Variants in SLC8A1 observed in about 807,000 individuals in gnomAD.
The protein encoded by SLC8A1 is solute carrier family 8 member A1.
Under a neutral mutation model 68.3 loss-of-function variants are expected in SLC8A1, and 18 were observed. The observed-to-expected ratio is 0.26, with a 90% CI of 0.18 to 0.39. The LOEUF is 0.39. SLC8A1 is among the 10% of genes least tolerant of loss of function. The probability of loss-of-function intolerance (pLI) is 1.00; values close to 1 mark genes in which losing one functional copy is unlikely to be tolerated. For missense variants in SLC8A1, 985 were observed against 1,156.7 expected, an observed-to-expected ratio of 0.85 and a Z score of 2.15; for synonymous variants, 475 against 415.5, an observed-to-expected ratio of 1.14 and a Z score of -1.74.
intron 2 of SLC8A1, among the ~76,000 whole-genome samples, chr2:40,289,824 G>A (rs770632289): frequency 1.3e-5 from 2 of 151,978 alleles, no homozygotes; most frequent in African/African-American, 2.4e-5. Context: ...TCGTGCCACT[G>A]CATTCCAGCT....
At chr2:40,307,805 C>A (rs2072940345) in intron 2 of SLC8A1, among the ~76,000 whole-genome samples, 1 of 152,068 alleles carries the variant, frequency 6.6e-6, no homozygotes, top group African/African-American at 2.4e-5. Context: ...GCAGCAAAGG[C>A]ATCATAACCT....
intron 2 of SLC8A1, among the ~76,000 whole-genome samples, chr2:40,277,901 G>C (rs1316492061): frequency 6.8e-6 from 1 of 148,126 alleles, no homozygotes; most frequent in Non-Finnish European, 1.5e-5. Flanking sequence ...CATCTAAAAT[G>C]TATTTAATTT....
intron 2 of SLC8A1, among the ~76,000 whole-genome samples, chr2:40,378,413 G>C (rs1019064962): frequency 1.3e-5 from 2 of 152,090 alleles, no homozygotes; most frequent in Non-Finnish European, 2.9e-5. Flanking sequence ...ACAAGACCTA[G>C]AAAAACTGAA....
At chr2:40,219,635 G>GT (rs1321040116) in intron 2 of SLC8A1, among the ~76,000 whole-genome samples, 1 of 152,074 alleles carries the variant, frequency 6.6e-6, no homozygotes, top group Non-Finnish European at 1.5e-5. Context: ...ACAATTATAA[G>GT]TTTTTTTCTT....
intron 2 of SLC8A1, among the ~76,000 whole-genome samples, chr2:40,255,669 C>A (rs138807124): frequency 1.2e-4 from 19 of 152,256 alleles, no homozygotes; most frequent in Non-Finnish European, 1.8e-4. Flanking sequence ...AAAATAAATA[C>A]GTGCAGAATT....
rs1410047537 is a variant in SLC8A1 at position 40,288,731 on chromosome 2, G to A, written c.1809-110876C>T. Among the ~76,000 whole-genome samples the A allele has an allele frequency of 1.3e-4, 19 of 151,936 alleles. 1 individual carries two copies. The South Asian group carries it at 3.9e-3, about 31-fold the overall frequency. On this transcript the variant is annotated intron_variant, in intron 2 of 7. Coordinates refer to ENST00000406785, the Ensembl canonical transcript of SLC8A1. The stretch of plus-strand genomic sequence containing the variant: ...TTTTCCTTGGGGATGGATGTTTGGA[G>A]CTAGTTTACCAGCACACCAGTGGGT...
chr2:40,392,763 G>C (rs988250918), intron 2 of SLC8A1, among the ~76,000 whole-genome samples: 8 of 152,040 alleles, frequency 5.3e-5, no homozygotes, highest in Non-Finnish European at 8.8e-5. Flanking sequence ...CGGAGAAGAG[G>C]ACAATAAAAA....
chr2:40,255,222 C>CCCCTACTCT (rs1281210552), intron 2 of SLC8A1: 3 of 151,936 alleles, frequency 2.0e-5, no homozygotes, highest in Non-Finnish European at 4.4e-5. Flanking sequence ...GTCTTTTCTC[C>CCCCTACTCT]CCCTACTCTC....
chr2:40,194,660 C>T (rs1319945112), intron 2 of SLC8A1, among the ~76,000 whole-genome samples: 1 of 152,048 alleles, frequency 6.6e-6, no homozygotes, highest in East Asian at 1.9e-4. Context: ...ATTAATAACA[C>T]CAGTTCCTCG....
exon 8 of SLC8A1, chr2:40,111,282 G>C (rs1459647265): frequency 6.6e-6 from 1 of 152,132 alleles, no homozygotes; most frequent in Non-Finnish European, 1.5e-5. Flanking sequence ...TTGTTAGACG[G>C]TCAAGGAGCT....
intron 2 of SLC8A1, among the ~76,000 whole-genome samples, chr2:40,394,099 T>C (rs7574340): frequency 0.73 from 110,715 of 151,882 alleles, 41,380 homozygotes; most frequent in African/African-American, 0.89. Context: ...CCTACAGTAG[T>C]GCACAGGACA....
chr2:40,236,240 T>C (rs1451752458), intron 2 of SLC8A1, among the ~76,000 whole-genome samples: 7 of 151,118 alleles, frequency 4.6e-5, no homozygotes, highest in African/African-American at 1.7e-4. Flanking sequence ...AGTCTAAGTC[T>C]CTTTGAAGGT....
At chr2:40,405,009 A>G (rs1689885604) in intron 2 of SLC8A1, among the ~76,000 whole-genome samples, 1 of 152,150 alleles carries the variant, frequency 6.6e-6, no homozygotes, top group Non-Finnish European at 1.5e-5. Context: ...AAAATTCTGT[A>G]ATTTACTGAA....
intron 2 of SLC8A1, among the ~76,000 whole-genome samples, chr2:40,294,385 A>AGAT (rs2069926133): frequency 1.3e-5 from 2 of 152,288 alleles, no homozygotes; most frequent in Non-Finnish European, 2.9e-5. Context: ...CCTACTTTAA[A>AGAT]GATAAGGTAA....
At chr2:40,277,237 T>TTTTA (rs2066827104) in intron 2 of SLC8A1, among the ~76,000 whole-genome samples, 1 of 152,080 alleles carries the variant, frequency 6.6e-6, no homozygotes, top group South Asian at 2.1e-4. Context: ...CTGTTTTTTT[T>TTTTA]TTATTTTTAA....
intron 1 of SLC8A1, among the ~76,000 whole-genome samples, chr2:40,489,723 C>T (rs1320875158): frequency 1.3e-5 from 2 of 152,020 alleles, no homozygotes; most frequent in African/African-American, 4.8e-5. Context: ...TGGTACTTAA[C>T]CTTGAGGCTT....
intron 2 of SLC8A1, among the ~76,000 whole-genome samples, chr2:40,363,477 A>C (rs1469043127): frequency 6.6e-6 from 1 of 152,166 alleles, no homozygotes; most frequent in Non-Finnish European, 1.5e-5. Context: ...TGTGAAGATT[A>C]GAGATGATCA....
intron 2 of SLC8A1, among the ~76,000 whole-genome samples, chr2:40,386,344 C>T (rs1473016876): frequency 6.6e-6 from 1 of 150,826 alleles, no homozygotes; most frequent in Non-Finnish European, 1.5e-5. Context: ...TATAACAGAG[C>T]AATAGAAGTC....
intron 2 of SLC8A1, among the ~76,000 whole-genome samples, chr2:40,227,971 C>T (rs2059191117): frequency 6.6e-6 from 1 of 152,094 alleles, no homozygotes; most frequent in Non-Finnish European, 1.5e-5. Flanking sequence ...ACGTAAAATT[C>T]AGATCATGCT....
Sources: gnomAD v4.1 joint callset for allele counts (sites outside exome capture counted in the v4.1 genomes callset) on GRCh38, gnomAD v4.1.1 for gene constraint, MANE v1.5 for transcripts, NCBI Gene and HGNC (gene_info 2026-07-23, HGNC 2026-07-21) for gene names.